Variants in TTL observed in about 807,000 individuals in gnomAD.
TTL encodes tubulin tyrosine ligase.
In TTL, 10 loss-of-function variants were observed where a neutral mutation model predicts 41.1. The observed-to-expected ratio is 0.24, with a 90% confidence interval of 0.15 to 0.41. The LOEUF is 0.41. Among genes scored for constraint, TTL ranks in the 10% least tolerant of loss-of-function variants. The pLI, the probability that TTL is intolerant of heterozygous loss-of-function variation, is 1.00. For synonymous variants in TTL, 175 were observed against 175.5 expected, an observed-to-expected ratio of 1.00 and a Z score of 0.02; for missense variants, 367 against 460.4, an observed-to-expected ratio of 0.80 and a Z score of 1.86.
intron 2 of TTL, among the ~76,000 whole-genome samples, chr2:112,489,875 T>A (rs1476588547): frequency 6.6e-6 from 1 of 152,210 alleles, no homozygotes; most frequent in Non-Finnish European, 1.5e-5. Flanking sequence ...ATTATTGAAA[T>A]AATGAATTAC....
chr2:112,514,883 G>A (rs767908285), intron 5 of TTL, among the ~76,000 whole-genome samples: 3 of 151,872 alleles, frequency 2.0e-5, no homozygotes, highest in Non-Finnish European at 4.4e-5. Flanking sequence ...TGGCATTTTT[G>A]TATCATTTTA....
intron 1 of TTL, 51 bp from the exon 2 acceptor site, chr2:112,485,866 T>A: frequency 6.6e-7 from 1 of 1,517,486 alleles, no homozygotes; most frequent in Non-Finnish European, 9.1e-7. Context: ...CTGTCCTCTC[T>A]CCTGCTTGCT....
intron 6 of TTL, among the ~76,000 whole-genome samples, chr2:112,527,723 G>A (rs1310200453): frequency 6.6e-6 from 1 of 152,122 alleles, no homozygotes; most frequent in Admixed American, 6.5e-5. Context: ...CGTGAGGTGG[G>A]TCTCCTGAAT....
intron 6 of TTL, among the ~76,000 whole-genome samples, chr2:112,525,693 T>C (rs1237959984): frequency 3.9e-5 from 6 of 152,278 alleles, no homozygotes; most frequent in South Asian, 2.1e-4. Flanking sequence ...TGGGCTGAGA[T>C]GATGGGGTTT....
rs1476386341 is a variant in TTL at position 112,513,617 on chromosome 2, AAATATTTATACAAGTATG to A, written c.876-6647_876-6630del. 1.1e-3 allele frequency among the ~76,000 whole-genome samples: 159 copies of A among 149,308 alleles called. 2 individuals are homozygous for A. The highest frequency in any genetic ancestry group is 4.7e-3 in the Admixed American group (71 of 15,038). On this transcript the variant is annotated intron_variant, in intron 5 of 6. Coordinates refer to ENST00000233336, the MANE Select transcript of TTL (RefSeq NM_153712.5). ...TAAATATTTATACAAGTATAAGTAT[AAATATTTATACAAGTATG>A]AATATTTATACAAGTATAAATATAA...
chr2:112,496,817 C>G (rs114362075), intron 3 of TTL, among the ~76,000 whole-genome samples: 1,681 of 150,482 alleles, frequency 0.011, 28 homozygotes, highest in African/African-American at 0.032. Context: ...AAGCGATCCT[C>G]CCAACTCAAC....
intron 5 of TTL, among the ~76,000 whole-genome samples, chr2:112,510,038 TTG>T (rs1265965934): frequency 6.6e-6 from 1 of 152,240 alleles, no homozygotes; most frequent in East Asian, 1.9e-4. Flanking sequence ...GTTTTCTCTG[TTG>T]TTTTTCTTTT....
chr2:112,502,467 T>A (rs1399166007), intron 4 of TTL, among the ~76,000 whole-genome samples: 1 of 151,954 alleles, frequency 6.6e-6, no homozygotes. Context: ...TGAAACCCTG[T>A]CTCTACAAAA....
At chr2:112,491,830 A>G (rs1681397467) in intron 2 of TTL, among the ~76,000 whole-genome samples, 1 of 151,974 alleles carries the variant, frequency 6.6e-6, no homozygotes, top group African/African-American at 2.4e-5. Flanking sequence ...TGCAGTCACC[A>G]TTTCTTGTGA....
intron 2 of TTL, among the ~76,000 whole-genome samples, chr2:112,487,379 T>G (rs1450668205): frequency 6.6e-6 from 1 of 152,230 alleles, no homozygotes; most frequent in African/African-American, 2.4e-5. Flanking sequence ...GACTGTTACA[T>G]GGAATCAGGA....
chr2:112,522,984 C>G (rs1682282055), intron 6 of TTL, among the ~76,000 whole-genome samples: 1 of 152,216 alleles, frequency 6.6e-6, no homozygotes, highest in African/African-American at 2.4e-5. Context: ...GACACCAGAC[C>G]ATGCCATTCT....
chr2:112,519,827 A>G (rs1185604525), intron 5 of TTL, among the ~76,000 whole-genome samples: 1 of 152,096 alleles, frequency 6.6e-6, no homozygotes, highest in African/African-American at 2.4e-5. Flanking sequence ...CCTAATGGTA[A>G]TAAGTTGAAA....
intron 3 of TTL, among the ~76,000 whole-genome samples, chr2:112,496,665 C>CTGTGTGTGTGTGCGTGTGTG: frequency 1.9e-5 from 2 of 106,052 alleles, no homozygotes; most frequent in Non-Finnish European, 3.6e-5. Flanking sequence ...ATATATGTGT[C>CTGTGTGTGTGTGCGTGTGTG]TGTGTGTGTG....
intron 2 of TTL, among the ~76,000 whole-genome samples, chr2:112,487,688 T>C (rs1681276387): frequency 6.6e-6 from 1 of 152,198 alleles, no homozygotes; most frequent in Non-Finnish European, 1.5e-5. Flanking sequence ...ACCTGCCCCT[T>C]GCCCCTCGGA....
At chr2:112,521,861 G>A (rs1033237257) in intron 6 of TTL, among the ~76,000 whole-genome samples, 7 of 152,296 alleles carry the variant, frequency 4.6e-5, no homozygotes, top group African/African-American at 1.4e-4. Flanking sequence ...AAGGGCCCAC[G>A]ATGGGAAGTG....
intron 2 of TTL, 45 bp downstream of exon 2, chr2:112,486,040 C>A (rs768308029): frequency 7.6e-6 from 12 of 1,573,900 alleles, no homozygotes; most frequent in Non-Finnish European, 1.0e-5. Context: ...CTAAATGAAG[C>A]ACTTAGGCAA....
chr2:112,514,246 G>GT (rs1053089395), intron 5 of TTL, among the ~76,000 whole-genome samples: 29 of 152,070 alleles, frequency 1.9e-4, no homozygotes, highest in Admixed American at 3.9e-4. Flanking sequence ...GCTGGGCATG[G>GT]TGGTGCACAC....
At position 112,540,871 on chromosome 2, in the gene TTL, T is replaced by C. The variant is rs1362957913; in HGVS notation, c.*12076T>C. The C allele has an allele frequency of 6.6e-6, 1 of 152,190 alleles. No individual in the cohort carries two copies. The highest frequency in any genetic ancestry group is 2.4e-5 in the African/African-American group (1 of 41,446). The allele number at this position is 152,190 out of a possible 1,614,324, so 9.4% of individuals were successfully genotyped here. A position where few individuals can be genotyped will look rare whatever the true frequency, so the allele number is the denominator to read the frequency against. On this transcript the variant is annotated 3_prime_UTR_variant, in exon 7 of 7. Transcript: ENST00000233336. Reference sequence around the variant, plus strand: ...AAGACTTAAATGTAAGAGTTGAAACTACAAAACTCTTAGTAGAAAATATAG... The same window carrying C: ...AAGACTTAAATGTAAGAGTTGAAACCACAAAACTCTTAGTAGAAAATATAG...
At chr2:112,485,743 C>G (rs376053532) in intron 1 of TTL, among the ~76,000 whole-genome samples, 174 bp from the exon 2 acceptor site, 1 of 152,126 alleles carries the variant, frequency 6.6e-6, no homozygotes, top group African/African-American at 2.4e-5. Flanking sequence ...AGGTTGCCAG[C>G]GGAATACTGA....
Sources: gnomAD v4.1 joint callset for allele counts (sites outside exome capture counted in the v4.1 genomes callset) on GRCh38, gnomAD v4.1.1 for gene constraint, MANE v1.5 for transcripts, NCBI Gene and HGNC (gene_info 2026-07-23, HGNC 2026-07-21) for gene names.